The following FNDC3B variants were observed in gnomAD, a reference collection of about 807,000 sequenced individuals.
The protein encoded by FNDC3B is fibronectin type III domain-containing protein 3B.
A neutral mutation model predicts 151.5 loss-of-function variants in FNDC3B; 12 were observed. The observed-to-expected ratio is 0.08, with a 90% CI of 0.05 to 0.13. The LOEUF (loss-of-function observed/expected upper bound fraction) is 0.13. FNDC3B is among the 10% of genes least tolerant of loss of function. The pLI is 1.00. For synonymous variants in FNDC3B, 528 were observed against 549.0 expected, an observed-to-expected ratio of 0.96 and a Z score of 0.54; for missense variants, 1,214 against 1,505.3, an observed-to-expected ratio of 0.81 and a Z score of 3.20.
At chr3:172,241,125 C>T (rs1002817972) in intron 4 of FNDC3B, among the ~76,000 whole-genome samples, 26 of 152,064 alleles carry the variant, frequency 1.7e-4, no homozygotes, top group African/African-American at 5.8e-4. Context: ...AGAGGCTAAA[C>T]GTATCACTTT....
chr3:172,395,453 G>A (rs1325842670), intron 25 of FNDC3B, among the ~76,000 whole-genome samples: 1 of 152,162 alleles, frequency 6.6e-6, no homozygotes, highest in Non-Finnish European at 1.5e-5. Flanking sequence ...TCAAGTTTCT[G>A]TAACAGTAAG....
intron 6 of FNDC3B, among the ~76,000 whole-genome samples, chr3:172,263,586 GTTTTTTTTTTTTT>G (rs35762662): frequency 3.8e-4 from 39 of 102,198 alleles, no homozygotes; most frequent in Non-Finnish European, 4.4e-4. Context: ...GCTATCAAGT[GTTTTTTTTTTTTT>G]TTTTTTTTTT....
At chr3:172,060,368 A>G (rs1213286697) in intron 1 of FNDC3B, among the ~76,000 whole-genome samples, 4 of 152,074 alleles carry the variant, frequency 2.6e-5, no homozygotes, top group African/African-American at 9.7e-5. Flanking sequence ...AGGGTAAGAC[A>G]CATTTATGAG....
In FNDC3B at chr3:172,313,079, T is replaced by C. The variant is rs562709449; in HGVS notation, c.1254+2198T>C. On this transcript the variant is annotated intron_variant, in intron 11 of 25. Coordinates refer to ENST00000415807, the MANE Select transcript of FNDC3B (RefSeq NM_022763.4). ...TTCCCTTCCCTCTTCTTTCCCCTTT[T>C]TCTCTCCCACCTTCAAATTCCTGCT... is the stretch of plus-strand genomic sequence containing the variant. Among the ~76,000 whole-genome samples the C allele has an allele frequency of 2.0e-5, 3 of 152,306 alleles. No homozygotes were observed. The East Asian group carries it at 5.8e-4, about 29-fold the overall frequency.
chr3:172,229,668 A>G lies in FNDC3B; in HGVS notation c.264+2721A>G, dbSNP rs528147323. 5.2e-4 allele frequency among the ~76,000 whole-genome samples: 79 copies of G among 152,348 alleles called. No homozygotes were observed. In the South Asian group the frequency reaches 0.016, roughly 32 times the overall value. On this transcript the variant is annotated intron_variant, in intron 4 of 25. Transcript: ENST00000415807. ...TCATGGGGATTGTATCTCAGCATCT[A>G]GAATACTGCGTGGCACAAAGTAGGT...
chr3:172,376,450 C>A (rs947421667), intron 23 of FNDC3B, among the ~76,000 whole-genome samples: 2 of 152,132 alleles, frequency 1.3e-5, no homozygotes, highest in Admixed American at 1.3e-4. Flanking sequence ...AGCTTTATGG[C>A]AAATTTGTAA....
intron 14 of FNDC3B, 143 bp from the exon 15 acceptor site, chr3:172,334,801 G>A (rs1312451424): frequency 4.4e-6 from 3 of 678,270 alleles, no homozygotes; most frequent in Admixed American, 5.4e-5. Context: ...AATAAATACT[G>A]TTAATACTTG....
At chr3:172,043,039 C>T (rs1027452656) in intron 1 of FNDC3B, among the ~76,000 whole-genome samples, 1 of 151,938 alleles carries the variant, frequency 6.6e-6, no homozygotes, top group Non-Finnish European at 1.5e-5. Context: ...CTTAGCCTCC[C>T]GAGTAGCTGG....
At chr3:172,386,214 T>C (rs1735698141) in intron 25 of FNDC3B, among the ~76,000 whole-genome samples, 1 of 152,258 alleles carries the variant, frequency 6.6e-6, no homozygotes, top group South Asian at 2.1e-4. Flanking sequence ...TGTGTCTATA[T>C]GCATGTGACT....
intron 1 of FNDC3B, among the ~76,000 whole-genome samples, chr3:172,044,474 T>C (rs541187275): frequency 6.6e-6 from 1 of 152,322 alleles, no homozygotes; most frequent in African/African-American, 2.4e-5. Context: ...AGACATATCC[T>C]GGAGGACCTA....
chr3:172,240,390 T>C (rs1245752593), intron 4 of FNDC3B, among the ~76,000 whole-genome samples: 1 of 152,212 alleles, frequency 6.6e-6, no homozygotes, highest in Non-Finnish European at 1.5e-5. Context: ...CAGGTACTGT[T>C]CTAAGAACTT....
At chr3:172,180,287 C>T (rs1560004520) in intron 3 of FNDC3B, among the ~76,000 whole-genome samples, 1 of 152,106 alleles carries the variant, frequency 6.6e-6, no homozygotes, top group Non-Finnish European at 1.5e-5. Flanking sequence ...CCCTTGCAGA[C>T]CTGTTGAGGG....
At chr3:172,363,808 G>GT (rs1734478202) in intron 23 of FNDC3B, among the ~76,000 whole-genome samples, 1 of 152,176 alleles carries the variant, frequency 6.6e-6, no homozygotes, top group South Asian at 2.1e-4. Flanking sequence ...GGCCTTCAGT[G>GT]GAGACCAAGA....
intron 7 of FNDC3B, among the ~76,000 whole-genome samples, chr3:172,288,736 A>T (rs1368040126): frequency 1.3e-5 from 2 of 152,174 alleles, no homozygotes; most frequent in Admixed American, 6.5e-5. Context: ...TTGCCAAAAT[A>T]CTACACCCTA....
intron 3 of FNDC3B, among the ~76,000 whole-genome samples, chr3:172,145,786 G>C (rs1273303492): frequency 1.3e-5 from 2 of 151,278 alleles, no homozygotes; most frequent in Non-Finnish European, 3.0e-5. Context: ...TTGTCTTTGA[G>C]TGTAAACTTG....
chr3:172,152,917 G>T (rs1395274969), intron 3 of FNDC3B, among the ~76,000 whole-genome samples: 2 of 152,138 alleles, frequency 1.3e-5, no homozygotes, highest in Admixed American at 1.3e-4. Context: ...TTTGCTGCTT[G>T]TCGTGAATCC....
chr3:172,331,668 G>A (rs981372479), intron 13 of FNDC3B, among the ~76,000 whole-genome samples: 1 of 152,004 alleles, frequency 6.6e-6, no homozygotes, highest in Non-Finnish European at 1.5e-5. Flanking sequence ...CCAGCCTCTA[G>A]TCAGTTCTTT....
intron 10 of FNDC3B, among the ~76,000 whole-genome samples, chr3:172,308,155 C>G (rs1241893677): frequency 6.6e-6 from 1 of 152,120 alleles, no homozygotes; most frequent in Non-Finnish European, 1.5e-5. Flanking sequence ...TTAAGTTTCA[C>G]TACTTAGGCC....
chr3:172,099,419 A>G (rs1271541085), intron 1 of FNDC3B, among the ~76,000 whole-genome samples: 1 of 152,100 alleles, frequency 6.6e-6, no homozygotes, highest in African/African-American at 2.4e-5. Flanking sequence ...TAGAGATCAG[A>G]GCAGATATGA....
Sources: gnomAD v4.1 joint callset for allele counts (sites outside exome capture counted in the v4.1 genomes callset) on GRCh38, gnomAD v4.1.1 for gene constraint, MANE v1.5 for transcripts, NCBI Gene and HGNC (gene_info 2026-07-23, HGNC 2026-07-21) for gene names.